Variants in NCAM1 observed in about 807,000 individuals in gnomAD.
NCAM1 encodes the protein neural cell adhesion molecule 1, also known as antigen recognized by monoclonal antibody 5.1H11.
NCAM1 carries 14 observed loss-of-function variants against 109.8 expected under a neutral mutation model. That is an observed-to-expected ratio of 0.13 (90% CI 0.08 to 0.20). The LOEUF (loss-of-function observed/expected upper bound fraction) is 0.20. Among genes scored for constraint, NCAM1 ranks in the 10% least tolerant of loss-of-function variants. The pLI, the probability that NCAM1 is intolerant of heterozygous loss-of-function variation, is 1.00. For synonymous variants in NCAM1, 418 were observed against 442.9 expected (o/e 0.94, Z 0.70); for missense variants, 774 against 1,109.9 (o/e 0.70, Z 4.30).
In NCAM1 at chr11:113,205,392, C is replaced by T. The variant is rs1205663535; in HGVS notation, c.347-131C>T. 9 of 1,166,494 alleles carry T rather than the reference C, an allele frequency of 7.7e-6. No homozygotes were observed. The African/African-American group carries it at 1.1e-4, about 14-fold the overall frequency. 72.3% of individuals were successfully genotyped at this position (1,166,494 alleles called of 1,614,324 possible). A position where few individuals can be genotyped will look rare whatever the true frequency, so the allele number is the denominator to read the frequency against. ...GCTCTGCCTGACGTCTCTGAGGGTG[C>T]CCCTCTTATACAACTGTACATCAGG... On this transcript the variant is annotated intron_variant, in intron 3 of 19. Transcript: ENST00000316851.
At chr11:113,239,519 T>G (rs1945266462) in intron 14 of NCAM1, among the ~76,000 whole-genome samples, 1 of 110,708 alleles carries the variant, frequency 9.0e-6, no homozygotes. Flanking sequence ...TTTTTTTTTT[T>G]TTTTGAGACG....
chr11:113,169,696 C>T (rs952935985), intron 1 of NCAM1, among the ~76,000 whole-genome samples: 22 of 149,406 alleles, frequency 1.5e-4, no homozygotes, highest in East Asian at 1.2e-3. Context: ...GTTGCGATCT[C>T]GGCTCACTGC....
rs114671576 is a variant in NCAM1, at chr11:113,197,100, A to G, written c.53-5279A>G. 8.6e-3 allele frequency: 1,350 copies of G among 156,418 alleles called. 16 individuals are homozygous for G. The highest frequency in any genetic ancestry group is 0.03 in the African/African-American group (1,254 of 41,632). 9.7% of individuals were successfully genotyped at this position (156,418 alleles called of 1,614,324 possible). A position where few individuals can be genotyped will look rare whatever the true frequency, so the allele number is the denominator to read the frequency against. ...AAAACCACCAGATCTCTGAGAACTC[A>G]CTCACTATCATGAGAACAGCATGGG... On this transcript the variant is annotated intron_variant, in intron 1 of 19. Coordinates refer to ENST00000316851, the MANE Select transcript of NCAM1 (RefSeq NM_181351.5).
intron 1 of NCAM1, among the ~76,000 whole-genome samples, chr11:112,982,638 A>C (rs182888438): frequency 6.6e-6 from 1 of 152,014 alleles, no homozygotes; most frequent in East Asian, 1.9e-4. Flanking sequence ...AATACTACAG[A>C]GGGAAGATTG....
Position 113,233,018 on chromosome 11 carries a change from G to A in NCAM1, c.1523-129G>A. On this transcript the variant is annotated intron_variant, in intron 12 of 19. Coordinates refer to ENST00000316851, the MANE Select transcript of NCAM1 (RefSeq NM_181351.5). The surrounding 1 kb of genome is among the most constrained non-coding windows in gnomAD (Gnocchi z 4.5). ...AGAAGCATCTGGTGAGATGGGCCAGGAGGACAGGATACAGTGACAGGATTC... is the reference window on the plus strand; with the variant it reads ...AGAAGCATCTGGTGAGATGGGCCAGAAGGACAGGATACAGTGACAGGATTC... The A allele has an allele frequency of 9.6e-7, 1 of 1,041,300 alleles. No individual in the cohort carries two copies. The highest frequency in any genetic ancestry group is 1.4e-6 in the Non-Finnish European group (1 of 712,610). The allele number at this position is 1,041,300 out of a possible 1,614,324, so 64.5% of individuals were successfully genotyped here.
intron 14 of NCAM1, 64 bp from the exon 15 acceptor site, chr11:113,246,304 G>A (rs182401794): frequency 5.6e-5 from 40 of 718,364 alleles, no homozygotes; most frequent in East Asian, 3.6e-4. Context: ...ATGTGCGTGC[G>A]TATCATGTGA....
At chr11:112,983,855 T>C (rs1951220519) in intron 1 of NCAM1, among the ~76,000 whole-genome samples, 1 of 152,024 alleles carries the variant, frequency 6.6e-6, no homozygotes, top group Admixed American at 6.6e-5. Context: ...AACATATTCA[T>C]CATCTCACAT....
chr11:113,184,023 G>C (rs1415694806), intron 1 of NCAM1, among the ~76,000 whole-genome samples: 1 of 152,182 alleles, frequency 6.6e-6, no homozygotes, highest in Non-Finnish European at 1.5e-5. Flanking sequence ...CAATGGAAAG[G>C]GCATCTGCAC....
intron 1 of NCAM1, among the ~76,000 whole-genome samples, chr11:112,991,508 G>A (rs570850474): frequency 4.7e-5 from 7 of 149,334 alleles, no homozygotes; most frequent in African/African-American, 4.9e-5. Flanking sequence ...GGCCTGAAAA[G>A]AAAAAAAAAA....
At chr11:113,104,465 T>C (rs1940055116) in intron 1 of NCAM1, among the ~76,000 whole-genome samples, 1 of 152,058 alleles carries the variant, frequency 6.6e-6, no homozygotes, top group African/African-American at 2.4e-5. Context: ...TTGAAACTTA[T>C]CTATTTGTTA....
intron 1 of NCAM1, among the ~76,000 whole-genome samples, chr11:113,083,839 T>A (rs1315725329): frequency 6.6e-6 from 1 of 152,094 alleles, no homozygotes; most frequent in East Asian, 1.9e-4. Context: ...TCCCATGAGA[T>A]GGTGTGTAGT....
chr11:113,088,541 CGA>C, intron 1 of NCAM1, among the ~76,000 whole-genome samples: 1 of 151,500 alleles, frequency 6.6e-6, no homozygotes, highest in East Asian at 1.9e-4. Flanking sequence ...TATGGCATAG[CGA>C]TCTCACTGAT....
chr11:113,081,460 G>T (rs1938813801), intron 1 of NCAM1, among the ~76,000 whole-genome samples: 1 of 152,212 alleles, frequency 6.6e-6, no homozygotes, highest in South Asian at 2.1e-4. Context: ...CTCGCCAAAG[G>T]ATGCTACGTA....
At chr11:113,110,962 C>T (rs1327554711) in intron 1 of NCAM1, among the ~76,000 whole-genome samples, 1 of 152,146 alleles carries the variant, frequency 6.6e-6, no homozygotes, top group Non-Finnish European at 1.5e-5. Flanking sequence ...TGACCTAATG[C>T]ACATCCTCAT....
chr11:113,095,315 C>CGTGTGTGTGTGTGT (rs147958488), intron 1 of NCAM1, among the ~76,000 whole-genome samples: 7,231 of 151,198 alleles, frequency 0.048, 536 homozygotes, highest in Admixed American at 0.16. Flanking sequence ...TAATAGAATG[C>CGTGTGTGTGTGTGT]GTGTGTGTGT....
intron 1 of NCAM1, among the ~76,000 whole-genome samples, chr11:113,051,932 G>A (rs1052654837): frequency 6.6e-6 from 1 of 152,168 alleles, no homozygotes; most frequent in Non-Finnish European, 1.5e-5. Flanking sequence ...GTTACAGTTT[G>A]CCCACCTAAA....
At position 113,273,143 on chromosome 11, in the gene NCAM1, G is replaced by A. The variant is rs1946321345; in HGVS notation, c.2456+1267G>A. On this transcript the variant is annotated intron_variant, in intron 19 of 19. Coordinates refer to ENST00000316851, the MANE Select transcript of NCAM1 (RefSeq NM_181351.5). This position sits in a 1 kb window ranked among gnomAD's most constrained non-coding sequence, Gnocchi z 6.0. The stretch of plus-strand genomic sequence containing the variant: ...CGGCTGGCCAGGCCACCCCTTCCAA[G>A]GGGCCCAGCGCCTCTGCCCCCTCCC... 4.5e-6 allele frequency: 2 copies of A among 441,518 alleles called. No homozygotes were observed. The highest frequency in any genetic ancestry group is 9.2e-6 in the Non-Finnish European group (2 of 217,914). 27.4% of individuals were successfully genotyped at this position (441,518 alleles called of 1,614,324 possible). A position where few individuals can be genotyped will look rare whatever the true frequency, so the allele number is the denominator to read the frequency against.
At chr11:113,080,875 CTATT>C (rs1460560629) in intron 1 of NCAM1, among the ~76,000 whole-genome samples, 1 of 152,106 alleles carries the variant, frequency 6.6e-6, no homozygotes, top group Non-Finnish European at 1.5e-5. Context: ...TTCCACTGTG[CTATT>C]TCTCACTTTG....
chr11:113,183,117 C>T (rs991619527), intron 1 of NCAM1, among the ~76,000 whole-genome samples: 4 of 152,340 alleles, frequency 2.6e-5, no homozygotes, highest in Admixed American at 2.0e-4. Flanking sequence ...GATACAGTAA[C>T]TTGCCTCAAA....
Sources: allele counts gnomAD v4.1 joint callset (sites outside exome capture counted in the v4.1 genomes callset), GRCh38; gene constraint gnomAD v4.1.1; non-coding constraint Gnocchi (gnomAD v3.1); transcripts MANE v1.5; gene names NCBI Gene and HGNC (gene_info 2026-07-23, HGNC 2026-07-21).